ABI3BP: variants seen among roughly 807,000 people sequenced by gnomAD.
ABI3BP encodes the protein target of Nesh-SH3.
ABI3BP carries 216 observed loss-of-function variants against 268.6 expected under a neutral mutation model. The ratio of observed to expected loss-of-function variants is 0.80; its 90% confidence interval spans 0.72 to 0.90. The LOEUF is 0.90. Ranked by LOEUF, ABI3BP falls within the 40% of genes least tolerant of loss-of-function variation. The probability of loss-of-function intolerance (pLI) is 0.00; values close to 1 mark genes in which losing one functional copy is unlikely to be tolerated. For missense variants in ABI3BP, 2,090 were observed against 2,182.4 expected (o/e 0.96, Z 0.84); for synonymous variants, 730 against 730.0 (o/e 1.00, Z 0.00).
intron 1 of ABI3BP, among the ~76,000 whole-genome samples, chr3:100,965,911 A>G (rs146183080): frequency 4.6e-4 from 70 of 152,328 alleles, no homozygotes; most frequent in African/African-American, 1.2e-3. Flanking sequence ...ATTTGATCCA[A>G]TAATGATCTT....
At chr3:100,841,212 T>TGTTTTTTTG (rs1386903664) in intron 21 of ABI3BP, among the ~76,000 whole-genome samples, 31 of 114,508 alleles carry the variant, frequency 2.7e-4, no homozygotes, top group Non-Finnish European at 4.4e-4. Flanking sequence ...TTTTTTTTTT[T>TGTTTTTTTG]TTTTTTTTTT....
At chr3:100,763,934 G>C (rs1360082603) in intron 63 of ABI3BP, among the ~76,000 whole-genome samples, 1 of 152,180 alleles carries the variant, frequency 6.6e-6, no homozygotes, top group Non-Finnish European at 1.5e-5. Flanking sequence ...CAAATGAAAA[G>C]TGGGAGCAAG....
chr3:100,810,312 G>T, intron 49 of ABI3BP, 100 bp downstream of exon 49: 1 of 991,160 alleles, frequency 1.0e-6, no homozygotes, highest in Non-Finnish European at 1.5e-6. Flanking sequence ...AAAGTCTGTG[G>T]GCAGAATGAT....
At chr3:100,934,538 G>A (rs533610638) in intron 1 of ABI3BP, among the ~76,000 whole-genome samples, 12 of 151,958 alleles carry the variant, frequency 7.9e-5, no homozygotes, top group African/African-American at 2.9e-4. Context: ...TCTAGTTCTA[G>A]ATCCTTGAGG....
intron 6 of ABI3BP, among the ~76,000 whole-genome samples, chr3:100,878,962 G>A (rs930304637): frequency 2.0e-5 from 3 of 152,064 alleles, no homozygotes; most frequent in African/African-American, 7.3e-5. Flanking sequence ...GCACAATGCG[G>A]GATGATTAAA....
At chr3:100,767,575 T>C (rs1475762439) in intron 62 of ABI3BP, among the ~76,000 whole-genome samples, 2 of 150,828 alleles carry the variant, frequency 1.3e-5, no homozygotes, top group Non-Finnish European at 3.0e-5. Context: ...ATGGAAGGAC[T>C]TAAAATGCAA....
At chr3:100,910,818 A>C (rs1366724585) in intron 2 of ABI3BP, among the ~76,000 whole-genome samples, 1 of 152,206 alleles carries the variant, frequency 6.6e-6, no homozygotes, top group African/African-American at 2.4e-5. Flanking sequence ...TTATCTGTGG[A>C]TTACTGCAAA....
At chr3:100,866,187 T>C (rs986760068) in intron 10 of ABI3BP, among the ~76,000 whole-genome samples, 5 of 152,116 alleles carry the variant, frequency 3.3e-5, no homozygotes, top group Non-Finnish European at 5.9e-5. Context: ...AAATATAGAT[T>C]GTGGGAAATT....
chr3:100,817,607 C>G, intron 41 of ABI3BP, 112 bp from the exon 42 acceptor site: 1 of 742,966 alleles, frequency 1.3e-6, no homozygotes, highest in East Asian at 2.9e-5. Context: ...GCAGATTTGG[C>G]CAAACCATGG....
chr3:100,945,065 T>G (rs895951761), intron 1 of ABI3BP, among the ~76,000 whole-genome samples: 3 of 152,196 alleles, frequency 2.0e-5, no homozygotes, highest in Admixed American at 6.5e-5. Context: ...TTTTGAGGAA[T>G]CTCAAATTCA....
chr3:100,859,639 C>T (rs1471862176), intron 14 of ABI3BP, among the ~76,000 whole-genome samples: 2 of 152,196 alleles, frequency 1.3e-5, no homozygotes, highest in Non-Finnish European at 2.9e-5. Context: ...AAATATACCA[C>T]TCTTTAAATC....
intron 63 of ABI3BP, 88 bp from the exon 64 acceptor site, chr3:100,754,779 C>A (rs1178757368): frequency 5.8e-6 from 6 of 1,036,078 alleles, no homozygotes; most frequent in Non-Finnish European, 8.8e-6. Context: ...ATCCACTATA[C>A]TGACATCCCT....
intron 62 of ABI3BP, among the ~76,000 whole-genome samples, chr3:100,770,431 A>G (rs1185719436): frequency 6.6e-6 from 1 of 152,210 alleles, no homozygotes; most frequent in Non-Finnish European, 1.5e-5. Flanking sequence ...ATTAATCAGC[A>G]ATGTAATTTT....
intron 9 of ABI3BP, among the ~76,000 whole-genome samples, chr3:100,871,396 C>T (rs2099107725): frequency 6.6e-6 from 1 of 152,190 alleles, no homozygotes; most frequent in South Asian, 2.1e-4. Flanking sequence ...ATTTATCAGA[C>T]ATTTTCAAAC....
At chr3:100,866,183 A>C (rs953616325) in intron 10 of ABI3BP, among the ~76,000 whole-genome samples, 4 of 152,176 alleles carry the variant, frequency 2.6e-5, no homozygotes, top group African/African-American at 9.7e-5. Flanking sequence ...TGCTAAATAT[A>C]GATTGTGGGA....
chr3:100,961,153 C>G (rs1344391103), intron 1 of ABI3BP, among the ~76,000 whole-genome samples: 1 of 152,198 alleles, frequency 6.6e-6, no homozygotes, highest in Admixed American at 6.5e-5. Context: ...ACCAACTAGG[C>G]TAAAGAAAGA....
intron 39 of ABI3BP, 79 bp downstream of exon 39, chr3:100,820,975 G>A (rs959740148): frequency 3.4e-6 from 4 of 1,182,336 alleles, no homozygotes; most frequent in African/African-American, 3.0e-5. Flanking sequence ...AAAAGCATAA[G>A]AATCTGCGGC....
chr3:100,884,070 A>C lies in ABI3BP; in HGVS notation c.696+1466T>G, dbSNP rs1190371769. On this transcript the variant is annotated intron_variant, in intron 6 of 67. Transcript: ENST00000471714. ...CAAATATAGTATGATTTTAATTTGT[A>C]ATGAAAACATGTTTAGAAAACAAAA... Among the ~76,000 whole-genome samples, 3 of 152,240 alleles carry C rather than the reference A, an allele frequency of 2.0e-5. No individual in the cohort carries two copies. In the East Asian group the frequency reaches 5.8e-4, roughly 29 times the overall value.
chr3:100,878,957 AT>A (rs1407765676), intron 6 of ABI3BP, among the ~76,000 whole-genome samples: 3 of 152,226 alleles, frequency 2.0e-5, no homozygotes, highest in Non-Finnish European at 4.4e-5. Context: ...TAAGTGCACA[AT>A]GCGGGATGAT....
Sources: allele counts gnomAD v4.1 joint callset (sites outside exome capture counted in the v4.1 genomes callset), GRCh38; gene constraint gnomAD v4.1.1; transcripts MANE v1.5; gene names NCBI Gene and HGNC (gene_info 2026-07-23, HGNC 2026-07-21).